HPSE2: variants seen among roughly 807,000 people sequenced by gnomAD.
The protein encoded by HPSE2 is inactive heparanase-2.
A neutral mutation model predicts 60.5 loss-of-function variants in HPSE2; 38 were observed. The ratio of observed to expected loss-of-function variants is 0.63; its 90% CI spans 0.48 to 0.82. The LOEUF (loss-of-function observed/expected upper bound fraction) is 0.82, where lower values mean the gene tolerates loss of function less well. HPSE2 is among the 40% of genes least tolerant of loss of function. The pLI is 0.00. For synonymous variants in HPSE2, 295 were observed against 293.2 expected, an observed-to-expected ratio of 1.01 and a Z score of -0.06; for missense variants, 713 against 740.4, an observed-to-expected ratio of 0.96 and a Z score of 0.43.
chr10:98,549,641 A>C (rs555791322), intron 9 of HPSE2, among the ~76,000 whole-genome samples: 1 of 152,170 alleles, frequency 6.6e-6, no homozygotes. Context: ...ATTTGGTCCA[A>C]GTGTTCTTTT....
intron 6 of HPSE2, among the ~76,000 whole-genome samples, chr10:98,679,767 A>G (rs1947737476): frequency 6.6e-6 from 1 of 152,018 alleles, no homozygotes; most frequent in Non-Finnish European, 1.5e-5. Flanking sequence ...ATAGCTCACT[A>G]TATAACCTCC....
chr10:98,636,057 G>A (rs1018501310), intron 7 of HPSE2, among the ~76,000 whole-genome samples: 2 of 152,086 alleles, frequency 1.3e-5, no homozygotes, highest in African/African-American at 2.4e-5. Context: ...GAAGAGGCTG[G>A]TGAACAAATC....
intron 7 of HPSE2, among the ~76,000 whole-genome samples, chr10:98,635,800 A>AC (rs1946483177): frequency 6.7e-6 from 1 of 150,106 alleles, no homozygotes; most frequent in Admixed American, 6.7e-5. Flanking sequence ...AAAAAAAAAA[A>AC]GAATGGATAA....
At chr10:99,269,141 A>G in the HPSE2 span, among the ~76,000 whole-genome samples, 1 of 152,092 alleles carries the variant, frequency 6.6e-6, no homozygotes, top group African/African-American at 2.4e-5. Flanking sequence ...CCTGGGGGAC[A>G]AGAGCGAGAC....
chr10:99,203,770 G>T (rs966898290), intron 2 of HPSE2, among the ~76,000 whole-genome samples: 1 of 151,790 alleles, frequency 6.6e-6, no homozygotes, highest in African/African-American at 2.4e-5. Context: ...AAGTTCTCAT[G>T]GCCCCAGGCT....
intron 6 of HPSE2, among the ~76,000 whole-genome samples, chr10:98,658,205 A>C (rs966051311): frequency 4.6e-5 from 7 of 152,188 alleles, no homozygotes; most frequent in African/African-American, 1.7e-4. Context: ...TTTTCTGGAA[A>C]GGGCTAGATA....
chr10:98,557,911 T>C (rs1944059659), intron 9 of HPSE2, among the ~76,000 whole-genome samples: 1 of 152,172 alleles, frequency 6.6e-6, no homozygotes, highest in Non-Finnish European at 1.5e-5. Flanking sequence ...ATCATGCCAC[T>C]ACATCTGTCA....
At chr10:98,967,277 T>C (rs1955837233) in intron 3 of HPSE2, among the ~76,000 whole-genome samples, 1 of 152,234 alleles carries the variant, frequency 6.6e-6, no homozygotes, top group African/African-American at 2.4e-5. Context: ...CAAATGTGGT[T>C]CTCCATTGGA....
chr10:99,027,335 A>C (rs1253033877), intron 3 of HPSE2, among the ~76,000 whole-genome samples: 1 of 152,070 alleles, frequency 6.6e-6, no homozygotes, highest in African/African-American at 2.4e-5. Context: ...GGCTACTATG[A>C]GTAACTATAT....
intron 2 of HPSE2, among the ~76,000 whole-genome samples, 155 bp downstream of exon 2, chr10:99,232,193 G>A (rs1422627105): frequency 6.8e-6 from 1 of 147,830 alleles, no homozygotes; most frequent in Non-Finnish European, 1.5e-5. Flanking sequence ...CTCCAAATCT[G>A]CCCCAACGCG....
chr10:99,218,851 A>C (rs1849220420), intron 2 of HPSE2, among the ~76,000 whole-genome samples: 2 of 152,224 alleles, frequency 1.3e-5, no homozygotes, highest in South Asian at 4.1e-4. Context: ...CACAGGATTT[A>C]TCCTAAGTCT....
At chr10:99,215,604 T>A (rs1849092926) in intron 2 of HPSE2, among the ~76,000 whole-genome samples, 1 of 152,246 alleles carries the variant, frequency 6.6e-6, no homozygotes, top group African/African-American at 2.4e-5. Context: ...TCTGCACATG[T>A]ATCCCTGGAA....
intron 3 of HPSE2, among the ~76,000 whole-genome samples, chr10:98,983,878 T>C (rs1186373251): frequency 6.6e-6 from 1 of 152,198 alleles, no homozygotes; most frequent in African/African-American, 2.4e-5. Context: ...CCTACGCCCA[T>C]GGAGCCTCAT....
intron 3 of HPSE2, among the ~76,000 whole-genome samples, chr10:98,864,742 G>A (rs758558279): frequency 6.6e-6 from 1 of 152,174 alleles, no homozygotes; most frequent in East Asian, 1.9e-4. Flanking sequence ...TGTATGACCA[G>A]GTTTTTTTTC....
intron 3 of HPSE2, among the ~76,000 whole-genome samples, chr10:98,874,671 G>T (rs1487409363): frequency 6.6e-6 from 1 of 152,006 alleles, no homozygotes; most frequent in Admixed American, 6.6e-5. Flanking sequence ...ATGAGAGAGG[G>T]CGTCTTTGTC....
intron 3 of HPSE2, among the ~76,000 whole-genome samples, chr10:98,747,332 CT>C (rs1270124272): frequency 6.6e-6 from 1 of 151,886 alleles, no homozygotes; most frequent in Non-Finnish European, 1.5e-5. Context: ...ACTGATATTC[CT>C]TTTGGATAGA....
intron 4 of HPSE2, among the ~76,000 whole-genome samples, chr10:98,742,298 C>CT (rs1174471475): frequency 2.6e-5 from 4 of 152,166 alleles, no homozygotes; most frequent in Non-Finnish European, 5.9e-5. Context: ...CAGTTAGTGG[C>CT]TACTGGTAGG....
chr10:98,598,232 A>G (rs1367193230), intron 9 of HPSE2, among the ~76,000 whole-genome samples: 1 of 152,158 alleles, frequency 6.6e-6, no homozygotes, highest in South Asian at 2.1e-4. Flanking sequence ...TTTACCAGTC[A>G]GCCCATCTGG....
chr10:98,920,240 G>C (rs1564656683), intron 3 of HPSE2, among the ~76,000 whole-genome samples: 1 of 152,136 alleles, frequency 6.6e-6, no homozygotes, highest in Admixed American at 6.6e-5. Flanking sequence ...GCCTGGCCAA[G>C]ACTTTCTCAG....
Sources: allele counts gnomAD v4.1 joint callset (sites outside exome capture counted in the v4.1 genomes callset), GRCh38; gene constraint gnomAD v4.1.1; transcripts MANE v1.5; gene names NCBI Gene and HGNC (gene_info 2026-07-23, HGNC 2026-07-21).